CPXM2: variants seen among roughly 807,000 people sequenced by gnomAD.
The protein encoded by CPXM2 is inactive carboxypeptidase-like protein X2.
A neutral mutation model predicts 86.1 loss-of-function variants in CPXM2; 66 were observed. That is an observed-to-expected ratio of 0.77 (90% CI 0.63 to 0.94). The LOEUF (loss-of-function observed/expected upper bound fraction) is 0.94, where lower values mean the gene tolerates loss of function less well. Ranked by LOEUF, CPXM2 falls within the 40% of genes least tolerant of loss-of-function variation. The pLI, the probability that CPXM2 is intolerant of heterozygous loss-of-function variation, is 0.00. For synonymous variants in CPXM2, 388 were observed against 400.2 expected (o/e 0.97, Z 0.36); for missense variants, 948 against 1,026.3 (o/e 0.92, Z 1.04).
At chr10:123,847,363 A>G (rs1848514631) in intron 3 of CPXM2, among the ~76,000 whole-genome samples, 1 of 152,174 alleles carries the variant, frequency 6.6e-6, no homozygotes. Flanking sequence ...TGTCTCTACC[A>G]AAAATATAGA....
At chr10:123,836,849 C>G (rs1848292140) in intron 4 of CPXM2, among the ~76,000 whole-genome samples, 5 of 151,718 alleles carry the variant, frequency 3.3e-5, no homozygotes, top group Admixed American at 3.3e-4. Flanking sequence ...GCCCCATTAG[C>G]CACCCCCCAC....
rs1846164191 is a variant in CPXM2, at chr10:123,754,750, T to C, written c.1930A>G (p.Ile644Val). ...IVFMEQVHRG[I>V]KGLVRDSHGK... Reference sequence around the variant, plus strand: ...TGTGAATCTCTCACCAAGCCTTTAATGCCACGATGAACCTGCTCAGCAAAC... The same window carrying C: ...TGTGAATCTCTCACCAAGCCTTTAACGCCACGATGAACCTGCTCAGCAAAC... The change falls in exon 13 of 14, where the codon ATT becomes GTT. Residue 644 changes from isoleucine (I) to valine (V), a missense_variant. By Grantham distance (29) the Ile-to-Val change is conservative (BLOSUM62 3). Transcript: ENST00000241305. The surrounding 1 kb of genome is among the most constrained non-coding windows in gnomAD (Gnocchi z 4.0). 1.2e-6 allele frequency: 2 copies of C among 1,603,244 alleles called. No individual in the cohort carries two copies. Among genetic ancestry groups the C allele is most frequent in the African/African-American group, 1.3e-5 (1 of 74,862 alleles).
At chr10:123,785,701 C>T (rs1298221142) in intron 6 of CPXM2, among the ~76,000 whole-genome samples, 1 of 150,416 alleles carries the variant, frequency 6.6e-6, no homozygotes, top group African/African-American at 2.5e-5. Flanking sequence ...GGCGCGATCT[C>T]GGCTCACTGC....
rs542003253 is a variant in CPXM2 at position 123,842,506 on chromosome 10, G to A, written c.514-18C>T. 35 of 1,611,016 alleles carry A rather than the reference G, an allele frequency of 2.2e-5. No homozygotes were observed. The highest frequency in any genetic ancestry group is 8.8e-5 in the South Asian group (8 of 90,920). On this transcript the variant is annotated intron_variant, in intron 3 of 13. Transcript: ENST00000241305. The stretch of plus-strand genomic sequence containing the variant: ...ATGCCCGCCTAGAAAGAAAGAAAGC[G>A]GTGTTCTTCAAAAAGACTCTTAATT...
chr10:123,880,167 A>G (rs1945059188), intron 2 of CPXM2, 44 bp downstream of exon 2: 2 of 282,844 alleles, frequency 7.1e-6, no homozygotes, highest in South Asian at 3.7e-5. Flanking sequence ...CTCCCTGAAC[A>G]GGGCCTAGGA....
chr10:123,750,295 G>C, intron 13 of CPXM2: 2 of 985,370 alleles, frequency 2.0e-6, no homozygotes, highest in Non-Finnish European at 2.4e-6. Context: ...TCAGTGCTTA[G>C]AGCAAAACCC....
intron 13 of CPXM2, among the ~76,000 whole-genome samples, chr10:123,751,305 A>T (rs189265691): frequency 6.6e-6 from 1 of 152,336 alleles, no homozygotes; most frequent in African/African-American, 2.4e-5. Context: ...AGTAGAGAGC[A>T]GTCCTGTGTG....
chr10:123,747,316 T>G (rs1440278061), intron 13 of CPXM2, among the ~76,000 whole-genome samples: 1 of 152,238 alleles, frequency 6.6e-6, no homozygotes, highest in Non-Finnish European at 1.5e-5. Context: ...GAGCCATTCA[T>G]GATGAACTTG....
At chr10:123,843,430 C>CTTT (rs1295436202) in intron 3 of CPXM2, among the ~76,000 whole-genome samples, 7 of 104,440 alleles carry the variant, frequency 6.7e-5, no homozygotes, top group African/African-American at 2.3e-4. Context: ...TTTCACAGAG[C>CTTT]TATTTTTTTT....
chr10:123,933,856 C>T (rs916897040), intron 2 of CPXM2, among the ~76,000 whole-genome samples: 2 of 152,146 alleles, frequency 1.3e-5, no homozygotes, highest in Admixed American at 6.5e-5. Flanking sequence ...GAAGGGAGCT[C>T]ATCTTCTTTT....
Position 123,862,690 on chromosome 10 carries a change from AT to A in CPXM2, c.436del (p.Ile146SerfsTer11). ...CPPLGLETLK[I>X]TDFQLHASTV... Reference sequence around the variant, plus strand: ...GGAGGCATGGAGCTGGAAGTCTGTGATTTTTAAGGTTTCCAGACCAAGAGGT... The same window carrying A: ...GGAGGCATGGAGCTGGAAGTCTGTGATTTTAAGGTTTCCAGACCAAGAGGT... On this transcript the variant is annotated frameshift_variant, in exon 3 of 14. Coordinates refer to ENST00000241305, the MANE Select transcript of CPXM2 (RefSeq NM_198148.3). LOFTEE classifies it high-confidence loss of function. 1 of 1,612,620 alleles carries A rather than the reference AT, an allele frequency of 6.2e-7. No homozygotes were observed. The highest frequency in any genetic ancestry group is 8.5e-7 in the Non-Finnish European group (1 of 1,179,854).
rs1440929795 is a variant in CPXM2, at chr10:123,754,175, G to T, written c.2017+488C>A. 6.6e-6 allele frequency among the ~76,000 whole-genome samples: 1 copy of T among 152,190 alleles called. No homozygotes were observed. The highest frequency in any genetic ancestry group is 1.5e-5 in the Non-Finnish European group (1 of 68,028). ...GGAAAAAGTGCATCCTCTCTGGCCAGTCCCAACCCACCCCTCCAGCTGTCC... is the reference window on the plus strand; with the variant it reads ...GGAAAAAGTGCATCCTCTCTGGCCATTCCCAACCCACCCCTCCAGCTGTCC... On this transcript the variant is annotated intron_variant, in intron 13 of 13. Coordinates refer to ENST00000241305, the MANE Select transcript of CPXM2 (RefSeq NM_198148.3). This position sits in a 1 kb window ranked among gnomAD's most constrained non-coding sequence, Gnocchi z 4.0.
At chr10:123,782,360 AC>A (rs1846954531) in intron 6 of CPXM2, among the ~76,000 whole-genome samples, 1 of 152,224 alleles carries the variant, frequency 6.6e-6, no homozygotes, top group Admixed American at 6.5e-5. Flanking sequence ...TTGTTTTGGA[AC>A]ACAAATTATG....
chr10:123,797,072 C>T (rs1211434601), intron 6 of CPXM2, among the ~76,000 whole-genome samples: 1 of 152,238 alleles, frequency 6.6e-6, no homozygotes, highest in Non-Finnish European at 1.5e-5. Context: ...GCAGAGAAGA[C>T]ATTACCAAAG....
intron 1 of CPXM2, among the ~76,000 whole-genome samples, chr10:123,888,720 G>A (rs1945218808): frequency 6.6e-6 from 1 of 152,198 alleles, no homozygotes; most frequent in Non-Finnish European, 1.5e-5. Context: ...AATAAAAAAG[G>A]ACAGGAGTTA....
chr10:123,884,505 A>G (rs1435148715), intron 1 of CPXM2, among the ~76,000 whole-genome samples: 1 of 152,220 alleles, frequency 6.6e-6, no homozygotes, highest in Non-Finnish European at 1.5e-5. Context: ...TCCCAGAGGA[A>G]ATAAGAATCC....
At chr10:123,776,458 A>G (rs1175365336) in intron 7 of CPXM2, among the ~76,000 whole-genome samples, 1 of 152,222 alleles carries the variant, frequency 6.6e-6, no homozygotes, top group Non-Finnish European at 1.5e-5. Flanking sequence ...CTGGCAAAAT[A>G]TCAGAAGGAA....
rs376798519 is a variant in CPXM2 at position 123,862,555 on chromosome 10, C to G, written c.513+59G>C. ...TCCTGCGCATTGCCTGATCCAAGCT[C>G]AAGGAACCAGAGCAATAAACAAGGC... On this transcript the variant is annotated intron_variant, in intron 3 of 13. Coordinates refer to ENST00000241305, the MANE Select transcript of CPXM2 (RefSeq NM_198148.3). The G allele has an allele frequency of 1.1e-4, 167 of 1,472,928 alleles. No homozygotes were observed. In the Admixed American group the frequency reaches 1.2e-3, roughly 11 times the overall value. 91.2% of individuals were successfully genotyped at this position (1,472,928 alleles called of 1,614,324 possible). A position where few individuals can be genotyped will look rare whatever the true frequency, so the allele number is the denominator to read the frequency against.
At chr10:123,913,625 G>T (rs1042967689) in intron 2 of CPXM2, 2 of 170,290 alleles carry the variant, frequency 1.2e-5, no homozygotes, top group South Asian at 2.8e-4. Context: ...GGGCAAGTGA[G>T]ATAGAAAATT....
Sources: gnomAD v4.1 joint callset for allele counts (sites outside exome capture counted in the v4.1 genomes callset) on GRCh38, gnomAD v4.1.1 for gene constraint, Gnocchi (gnomAD v3.1) non-coding constraint, MANE v1.5 for transcripts, NCBI Gene and HGNC (gene_info 2026-07-23, HGNC 2026-07-21) for gene names.